ABHD12: variants seen among roughly 807,000 people sequenced by gnomAD.
ABHD12 encodes the protein lysophosphatidylserine lipase ABHD12.
Under a neutral mutation model 58.3 loss-of-function variants are expected in ABHD12, and 43 were observed. That is an observed-to-expected ratio of 0.74 (90% CI 0.58 to 0.95). ABHD12 has a LOEUF of 0.95. Among genes scored for constraint, ABHD12 ranks in the 40% least tolerant of loss-of-function variants. The probability of loss-of-function intolerance (pLI) is 0.00; values close to 1 mark genes in which losing one functional copy is unlikely to be tolerated. For missense variants in ABHD12, 539 were observed against 537.2 expected (o/e 1.00, Z -0.03); for synonymous variants, 219 against 211.2 (o/e 1.04, Z -0.32).
At chr20:25,305,139 T>C (rs1456478827) in intron 10 of ABHD12, among the ~76,000 whole-genome samples, 1 of 152,170 alleles carries the variant, frequency 6.6e-6, no homozygotes, top group Non-Finnish European at 1.5e-5. Flanking sequence ...AGTGCTGGGA[T>C]TACAGGCGTG....
chr20:25,368,635 C>T (rs998869891), intron 1 of ABHD12: 1 of 1,375,322 alleles, frequency 7.3e-7, no homozygotes, highest in Non-Finnish European at 1.0e-6. Flanking sequence ...AAAACCAAAT[C>T]CTTTCTCGCC....
intron 1 of ABHD12, among the ~76,000 whole-genome samples, chr20:25,385,136 G>C (rs2090071769): frequency 6.6e-6 from 1 of 152,056 alleles, no homozygotes; most frequent in African/African-American, 2.4e-5. Flanking sequence ...TTGGGAGTTT[G>C]AGACCAGCCT....
Position 25,306,932 on chromosome 20 carries a change from A to C in ABHD12, c.868-17T>G, listed in dbSNP as rs763018959. The C allele has an allele frequency of 7.0e-6, 11 of 1,575,958 alleles. No homozygotes were observed. In the South Asian group the frequency reaches 1.1e-4, roughly 16 times the overall value. ...TCGATATATCTGGAGACAAGATGGA[A>C]ACCATTTTCAGAAGCGTTGGTTAAG... is the stretch of plus-strand genomic sequence containing the variant. On this transcript the variant is annotated splice_polypyrimidine_tract_variant and intron_variant, in intron 9 of 12. Coordinates refer to ENST00000339157, the MANE Select transcript of ABHD12 (RefSeq NM_001042472.3).
At chr20:25,316,840 T>C (rs773083870) in intron 5 of ABHD12, among the ~76,000 whole-genome samples, 10 of 152,162 alleles carry the variant, frequency 6.6e-5, no homozygotes, top group South Asian at 2.1e-4. Context: ...AGCAGGAGGA[T>C]AGTTTGAGCC....
chr20:25,374,241 T>C (rs998920185), intron 1 of ABHD12, among the ~76,000 whole-genome samples: 3 of 152,242 alleles, frequency 2.0e-5, no homozygotes, highest in East Asian at 3.9e-4. Flanking sequence ...AGTACAGGTG[T>C]GTGCCACCAC....
At position 25,390,691 on chromosome 20, in the gene ABHD12, T is replaced by C. The variant is rs759098488; in HGVS notation, c.13A>G (p.Thr5Ala). MRKRTEPVALEHERC... is the reference protein window; with the variant it reads MRKRAEPVALEHERC... ...TCATGCTCCAAGGCGACGGGCTCGG[T>C]CCGCTTCCTCATCCCGCGGCCGACA... The change falls in exon 1 of 13, where the codon ACC becomes GCC. Residue 5 changes from threonine (T) to alanine (A), a missense_variant. Thr to Ala is a moderately conservative substitution (Grantham distance 58). Coordinates refer to ENST00000339157, the MANE Select transcript of ABHD12 (RefSeq NM_001042472.3). The C allele has an allele frequency of 2.9e-6, 4 of 1,400,846 alleles. No homozygotes were observed. In the South Asian group the frequency reaches 4.4e-5, roughly 15 times the overall value. 86.8% of individuals were successfully genotyped at this position (1,400,846 alleles called of 1,614,324 possible). A position where few individuals can be genotyped will look rare whatever the true frequency, so the allele number is the denominator to read the frequency against.
At chr20:25,353,089 A>C (rs1003560183) in intron 1 of ABHD12, among the ~76,000 whole-genome samples, 3 of 152,248 alleles carry the variant, frequency 2.0e-5, no homozygotes, top group Non-Finnish European at 4.4e-5. Context: ...CAGTTCTGTC[A>C]TCTAATTATG....
intron 1 of ABHD12, among the ~76,000 whole-genome samples, chr20:25,386,738 G>A (rs915973371): frequency 7.7e-4 from 117 of 152,016 alleles, no homozygotes; most frequent in Middle Eastern, 3.4e-3. Context: ...AAAATTAGCC[G>A]GGCATGGTGG....
chr20:25,378,218 T>C (rs983017934), intron 1 of ABHD12, among the ~76,000 whole-genome samples: 2 of 152,230 alleles, frequency 1.3e-5, no homozygotes, highest in Non-Finnish European at 2.9e-5. Context: ...GCCATCCCTG[T>C]ATTTTCTCTT....
chr20:25,361,063 A>G (rs1403040808), intron 1 of ABHD12, among the ~76,000 whole-genome samples: 1 of 152,232 alleles, frequency 6.6e-6, no homozygotes, highest in East Asian at 1.9e-4. Context: ...GGCCAAGGTG[A>G]GCTTAGCAAC....
chr20:25,383,968 AAAAAAAG>A (rs1366820093), intron 1 of ABHD12, among the ~76,000 whole-genome samples: 8 of 131,606 alleles, frequency 6.1e-5, no homozygotes, highest in South Asian at 2.4e-4. Context: ...AAAAAAAAAA[AAAAAAAG>A]AAAAAAAAGA....
intron 4 of ABHD12, among the ~76,000 whole-genome samples, chr20:25,318,819 C>T (rs953988392): frequency 6.6e-6 from 1 of 152,152 alleles, no homozygotes; most frequent in Non-Finnish European, 1.5e-5. Flanking sequence ...CAGCTTGTCC[C>T]AGACAAAGAA....
intron 2 of ABHD12, among the ~76,000 whole-genome samples, chr20:25,332,111 A>T (rs2089287182): frequency 6.6e-6 from 1 of 152,074 alleles, no homozygotes; most frequent in South Asian, 2.1e-4. Context: ...ATGGAGGAAG[A>T]TCTACCAAGC....
intron 6 of ABHD12, among the ~76,000 whole-genome samples, chr20:25,311,873 T>C (rs1046429934): frequency 6.6e-6 from 1 of 151,982 alleles, no homozygotes; most frequent in Non-Finnish European, 1.5e-5. Context: ...CTCAGCTACT[T>C]TTTTTTGTAT....
At chr20:25,306,746 T>C (rs1013754978) in intron 10 of ABHD12, 87 bp downstream of exon 10, 3 of 938,504 alleles carry the variant, frequency 3.2e-6, no homozygotes, top group African/African-American at 3.3e-5. Flanking sequence ...TTCCATCCTA[T>C]TTGATTACTG....
intron 3 of ABHD12, among the ~76,000 whole-genome samples, chr20:25,320,852 G>A (rs1026654569): frequency 6.6e-6 from 1 of 152,046 alleles, no homozygotes; most frequent in Non-Finnish European, 1.5e-5. Context: ...CACCTTCCCA[G>A]TCTGCTCATG....
At chr20:25,312,031 G>A (rs919266801) in intron 6 of ABHD12, among the ~76,000 whole-genome samples, 11 of 151,886 alleles carry the variant, frequency 7.2e-5, no homozygotes, top group Admixed American at 2.0e-4. Flanking sequence ...AAACAGTCTC[G>A]CAGTCAGTTG....
At position 25,325,526 on chromosome 20, in the gene ABHD12, A is replaced by C. The variant is rs60893899; in HGVS notation, c.317-2096T>G. Among the ~76,000 whole-genome samples, 1,237 of 152,324 alleles carry C rather than the reference A, an allele frequency of 8.1e-3. 21 individuals are homozygous for C. The highest frequency in any genetic ancestry group is 0.029 in the African/African-American group (1,186 of 41,564). On this transcript the variant is annotated intron_variant, in intron 2 of 12. Coordinates refer to ENST00000339157, the MANE Select transcript of ABHD12 (RefSeq NM_001042472.3). Reference sequence around the variant, plus strand: ...ATCCTTATAAAATGGGGACATTTAGACACAGAGACAGAGGGAAGACCATGA... The same window carrying C: ...ATCCTTATAAAATGGGGACATTTAGCCACAGAGACAGAGGGAAGACCATGA...
chr20:25,296,409 G>A (rs775021141), downstream of ABHD12: 13 of 1,613,864 alleles, frequency 8.1e-6, no homozygotes, highest in East Asian at 6.7e-5. Context: ...CAGGAACATC[G>A]CCTGCTCGGG....
Sources: gnomAD v4.1 joint callset for allele counts (sites outside exome capture counted in the v4.1 genomes callset) on GRCh38, gnomAD v4.1.1 for gene constraint, MANE v1.5 for transcripts, NCBI Gene and HGNC (gene_info 2026-07-23, HGNC 2026-07-21) for gene names.